Variants in CDH10 observed in about 807,000 individuals in gnomAD.
CDH10 encodes the protein cadherin-10.
CDH10 carries 30 observed loss-of-function variants against 73.1 expected under a neutral mutation model. The observed-to-expected ratio is 0.41, with a 90% confidence interval of 0.31 to 0.56. CDH10 has a LOEUF of 0.56. Ranked by LOEUF, CDH10 falls within the 20% of genes least tolerant of loss-of-function variation. CDH10 has a pLI of 0.27. For synonymous variants in CDH10, 345 were observed against 348.2 expected, an observed-to-expected ratio of 0.99 and a Z score of 0.10; for missense variants, 815 against 973.7, an observed-to-expected ratio of 0.84 and a Z score of 2.17.
intron 1 of CDH10, among the ~76,000 whole-genome samples, chr5:24,607,613 A>G (rs1357036246): frequency 6.6e-6 from 1 of 152,200 alleles, no homozygotes; most frequent in Admixed American, 6.5e-5. Context: ...TTTAAGTATT[A>G]TATTATACAC....
intron 5 of CDH10, among the ~76,000 whole-genome samples, chr5:24,519,039 C>T (rs1439510163): frequency 6.6e-6 from 1 of 151,570 alleles, no homozygotes; most frequent in East Asian, 1.9e-4. Flanking sequence ...TACAGTTGTG[C>T]ACCACCATGC....
At chr5:24,493,477 T>C (rs1742141228) in intron 9 of CDH10, among the ~76,000 whole-genome samples, 1 of 151,890 alleles carries the variant, frequency 6.6e-6, no homozygotes, top group Non-Finnish European at 1.5e-5. Context: ...TGTGAATTAT[T>C]TTAAAAGGGT....
At chr5:24,567,798 G>A (rs1206751956) in intron 2 of CDH10, among the ~76,000 whole-genome samples, 1 of 151,990 alleles carries the variant, frequency 6.6e-6, no homozygotes. Flanking sequence ...CTTCAAAAAT[G>A]TAAAAAAGTA....
intron 1 of CDH10, among the ~76,000 whole-genome samples, chr5:24,637,903 C>T (rs1386605848): frequency 6.6e-6 from 1 of 151,652 alleles, no homozygotes; most frequent in African/African-American, 2.4e-5. Flanking sequence ...CAAGGCTCTC[C>T]CTCATCCACA....
intron 1 of CDH10, among the ~76,000 whole-genome samples, chr5:24,630,828 G>A (rs1747679839): frequency 6.6e-6 from 1 of 152,034 alleles, no homozygotes; most frequent in Non-Finnish European, 1.5e-5. Flanking sequence ...TACCTAGTAA[G>A]CAGTAATACA....
intron 2 of CDH10, among the ~76,000 whole-genome samples, chr5:24,575,653 A>T (rs916799086): frequency 1.3e-5 from 2 of 152,176 alleles, no homozygotes; most frequent in African/African-American, 4.8e-5. Context: ...AAATAAATAT[A>T]AATGAACAAA....
chr5:24,554,517 T>TCAC lies in CDH10; in HGVS notation c.232-16844_232-16843insGTG, dbSNP rs1561159626. ...GTGTGTGTGTGTGTGTGTGTGTGTG[T>TCAC]GTGCACGTGCATGATTTTTCTTGAT... On this transcript the variant is annotated intron_variant, in intron 2 of 11. Coordinates refer to ENST00000264463, the MANE Select transcript of CDH10 (RefSeq NM_006727.5). 1.4e-3 allele frequency among the ~76,000 whole-genome samples: 216 copies of TCAC among 149,534 alleles called. 1 individual carries two copies. The highest frequency in any genetic ancestry group is 5.2e-3 in the African/African-American group (209 of 40,532).
intron 1 of CDH10, among the ~76,000 whole-genome samples, chr5:24,637,335 T>C (rs1388518624): frequency 6.6e-6 from 1 of 151,982 alleles, no homozygotes; most frequent in Non-Finnish European, 1.5e-5. Context: ...TTCAGCAGTA[T>C]ATCTAATGGA....
chr5:24,608,208 G>A (rs991729791), intron 1 of CDH10, among the ~76,000 whole-genome samples: 4 of 152,076 alleles, frequency 2.6e-5, no homozygotes, highest in African/African-American at 7.2e-5. Flanking sequence ...TTGGCAAATC[G>A]AGTCATCTTC....
In CDH10 at chr5:24,559,660, A is replaced by C. The variant is rs1579807675; in HGVS notation, c.232-21986T>G. On this transcript the variant is annotated intron_variant, in intron 2 of 11. Transcript: ENST00000264463. ...ATATTACCACAACTGATGAGTCTGC[A>C]TGATAATGAAACAGGTGACAACAAT... Among the ~76,000 whole-genome samples, 6 of 152,062 alleles carry C rather than the reference A, an allele frequency of 3.9e-5. No individual in the cohort carries two copies. In the South Asian group the frequency reaches 1.2e-3, roughly 31 times the overall value.
chr5:24,619,015 T>A (rs1239856649), intron 1 of CDH10, among the ~76,000 whole-genome samples: 3 of 152,208 alleles, frequency 2.0e-5, no homozygotes, highest in Non-Finnish European at 4.4e-5. Context: ...AAAACAGCCA[T>A]GACACTCCTT....
At chr5:24,548,480 CTTTTTTT>C (rs70965609) in intron 2 of CDH10, among the ~76,000 whole-genome samples, 5 of 108,730 alleles carry the variant, frequency 4.6e-5, no homozygotes, top group Admixed American at 9.8e-5. Context: ...CAGTCCTCCT[CTTTTTTT>C]TTTTTTTTTT....
chr5:24,583,532 T>A (rs1461360935), intron 2 of CDH10, among the ~76,000 whole-genome samples: 1 of 152,232 alleles, frequency 6.6e-6, no homozygotes, highest in Non-Finnish European at 1.5e-5. Flanking sequence ...TATGCAATCT[T>A]AGTTTTGTAC....
intron 5 of CDH10, among the ~76,000 whole-genome samples, chr5:24,515,170 C>G (rs2111785769): frequency 6.6e-6 from 1 of 152,160 alleles, no homozygotes; most frequent in African/African-American, 2.4e-5. Context: ...CACTTATGTG[C>G]TAATAAAATT....
chr5:24,560,200 TTGTGTGTGTGTGTGTGTGTGTG>T (rs70965615), intron 2 of CDH10, among the ~76,000 whole-genome samples: 7 of 148,246 alleles, frequency 4.7e-5, no homozygotes, highest in Non-Finnish European at 3.0e-5. Context: ...ATATTTGCAA[TTGTGTGTGTGTGTGTGTGTGTG>T]TGTGTGTGTG....
intron 1 of CDH10, among the ~76,000 whole-genome samples, chr5:24,627,028 A>G (rs1747532339): frequency 6.6e-6 from 1 of 151,734 alleles, no homozygotes; most frequent in Non-Finnish European, 1.5e-5. Flanking sequence ...TTACCCTTCT[A>G]CCCAGAAGCA....
At position 24,621,957 on chromosome 5, in the gene CDH10, G is replaced by C. The variant is rs540627736; in HGVS notation, c.-124+22637C>G. Among the ~76,000 whole-genome samples the C allele has an allele frequency of 1.4e-3, 215 of 152,244 alleles. 2 individuals carry two copies. Among genetic ancestry groups the C allele is most frequent in the South Asian group, 5.4e-3 (26 of 4,828 alleles). ...AACTAGTATGACTGGAGTGCTGTGAGTCCTGAGAGAACGAAAGAAGATGAG... is the reference window on the plus strand; with the variant it reads ...AACTAGTATGACTGGAGTGCTGTGACTCCTGAGAGAACGAAAGAAGATGAG... On this transcript the variant is annotated intron_variant, in intron 1 of 11. Coordinates refer to ENST00000264463, the MANE Select transcript of CDH10 (RefSeq NM_006727.5).
chr5:24,544,917 C>G (rs538923627), intron 2 of CDH10, among the ~76,000 whole-genome samples: 2 of 152,262 alleles, frequency 1.3e-5, no homozygotes, highest in South Asian at 2.1e-4. Flanking sequence ...CAGAAACACA[C>G]TTTCACAGGC....
chr5:24,491,971 C>A (rs189407538), intron 10 of CDH10, 144 bp from the exon 11 acceptor site: 4 of 558,154 alleles, frequency 7.2e-6, no homozygotes, highest in African/African-American at 1.9e-5. Context: ...AAGTACAATG[C>A]AATTAATATA....
Sources: allele counts gnomAD v4.1 joint callset (sites outside exome capture counted in the v4.1 genomes callset), GRCh38; gene constraint gnomAD v4.1.1; transcripts MANE v1.5; gene names NCBI Gene and HGNC (gene_info 2026-07-23, HGNC 2026-07-21).